The following MUC4 variants were observed in gnomAD, a reference collection of about 807,000 sequenced individuals.
MUC4 encodes the protein mucin 4, cell surface associated, also known as mucin-4.
A neutral mutation model predicts 257.9 loss-of-function variants in MUC4; 202 were observed. That is an observed-to-expected ratio of 0.78 (90% CI 0.70 to 0.88). The LOEUF (loss-of-function observed/expected upper bound fraction) is 0.88. Among genes scored for constraint, MUC4 ranks in the 40% least tolerant of loss-of-function variants. The probability of loss-of-function intolerance (pLI) is 0.00; values close to 1 mark genes in which losing one functional copy is unlikely to be tolerated. For synonymous variants in MUC4, 2,351 were observed against 2,757.1 expected, an observed-to-expected ratio of 0.85 and a Z score of 4.62; for missense variants, 5,976 against 6,513.7, an observed-to-expected ratio of 0.92 and a Z score of 2.84.
chr3:195,799,830 G>A (rs1735072184), intron 1 of MUC4, among the ~76,000 whole-genome samples: 1 of 152,172 alleles, frequency 6.6e-6, no homozygotes, highest in South Asian at 2.1e-4. Context: ...AATACAGACT[G>A]CCAAATTTCT....
At chr3:195,758,039 C>A (rs888894844) in intron 17 of MUC4, among the ~76,000 whole-genome samples, 1 of 152,166 alleles carries the variant, frequency 6.6e-6, no homozygotes, top group Non-Finnish European at 1.5e-5. Context: ...TTCTGAGACA[C>A]AGAGAGAAAG....
Position 195,788,682 on chromosome 3 carries a change from G to A in MUC4, c.2898C>T (p.Phe966=). 2 of 1,599,894 alleles carry A rather than the reference G, an allele frequency of 1.3e-6. No homozygotes were observed. Among genetic ancestry groups the A allele is most frequent in the Non-Finnish European group, 1.7e-6 (2 of 1,178,228 alleles). The change falls in exon 2 of 25, where the codon TTC becomes TTT. Residue 966 remains phenylalanine (F), a synonymous_variant. Coordinates refer to ENST00000463781, the MANE Select transcript of MUC4 (RefSeq NM_018406.7). ...TGGCGTTGCTGATGAGGGCCGTGGT[G>A]AAGGTTTTACCAGACCCTGAAGGTG... ...TLSPSGSGKT[F]TTALISNATP... is the part of the protein sequence containing the mutation.
Position 195,761,553 on chromosome 3 carries a change from TG to T in MUC4, c.14544del (p.Phe4848LeufsTer23). On this transcript the variant is annotated frameshift_variant, in exon 15 of 25. Transcript: ENST00000463781. LOFTEE classifies it high-confidence loss of function. ...GGAATGGTGGAGCCATTGGGCATCC[TG>T]AAGTCGTCCTCTGGATTGTTATTCC... ...GVWNNNPEDD[F>X]RMPNGSTIPP... 1 of 1,614,142 alleles carries T rather than the reference TG, an allele frequency of 6.2e-7. No homozygotes were observed. Among genetic ancestry groups the T allele is most frequent in the Non-Finnish European group, 8.5e-7 (1 of 1,179,982 alleles).
intron 20 of MUC4, among the ~76,000 whole-genome samples, chr3:195,752,736 C>A (rs1310151210): frequency 6.6e-6 from 1 of 152,212 alleles, no homozygotes; most frequent in Non-Finnish European, 1.5e-5. Flanking sequence ...CTGAAGAAAC[C>A]GGGAGAAGTG....
intron 1 of MUC4, among the ~76,000 whole-genome samples, chr3:195,799,891 G>A (rs1198895544): frequency 6.6e-6 from 1 of 152,162 alleles, no homozygotes; most frequent in Non-Finnish European, 1.5e-5. Flanking sequence ...GTGCAAGAGT[G>A]TGCCTGTTTC....
rs1715117357 is a variant in MUC4, at chr3:195,746,798, TTAAA to T, written c.*374_*377del. 7.0e-6 allele frequency: 2 copies of T among 285,600 alleles called. No homozygotes were observed. The highest frequency in any genetic ancestry group is 1.3e-5 in the Non-Finnish European group (2 of 151,864). 17.7% of individuals were successfully genotyped at this position (285,600 alleles called of 1,614,324 possible). On this transcript the variant is annotated 3_prime_UTR_variant, in exon 25 of 25. Coordinates refer to ENST00000463781, the MANE Select transcript of MUC4 (RefSeq NM_018406.7). ...ACACAAAAAGTCAGAGAGACTTTATTTAAATAGAGTTAATTTGAAGTAAACCAGA... is the reference window on the plus strand; with the variant it reads ...ACACAAAAAGTCAGAGAGACTTTATTTAGAGTTAATTTGAAGTAAACCAGA...
rs62282503 is a variant in MUC4, at chr3:195,788,677, G to A, written c.2903C>T (p.Thr968Met). Residue 968 changes from threonine to methionine, a missense_variant, in exon 2 of 25, where the codon ACG becomes ATG. Coordinates refer to ENST00000463781, the MANE Select transcript of MUC4 (RefSeq NM_018406.7). ...SPSGSGKTFT[T>M]ALISNATPLP... The stretch of plus-strand genomic sequence containing the variant: ...AGGGGTGGCGTTGCTGATGAGGGCC[G>A]TGGTGAAGGTTTTACCAGACCCTGA... 4,269 of 1,612,994 alleles carry A rather than the reference G, an allele frequency of 2.6e-3. 21 individuals carry two copies. The highest frequency in any genetic ancestry group is 7.8e-3 in the South Asian group (708 of 90,882).
chr3:195,780,359 GACCT>G lies in MUC4; in HGVS notation c.11217_11220del (p.Gly3740ThrfsTer518). On this transcript the variant is annotated frameshift_variant, in exon 2 of 25. Transcript: ENST00000463781. LOFTEE classifies it high-confidence loss of function. ...CTGGTGACAGGAAGAGGGGTGACGTGACCTGTGGATGCTGAGGAAGGGCTGGTGA... is the reference window on the plus strand; with the variant it reads ...CTGGTGACAGGAAGAGGGGTGACGTGGTGGATGCTGAGGAAGGGCTGGTGA... 1 of 1,410,624 alleles carries G rather than the reference GACCT, an allele frequency of 7.1e-7. No individual in the cohort carries two copies. Among genetic ancestry groups the G allele is most frequent in the Non-Finnish European group, 9.5e-7 (1 of 1,048,484 alleles). 87.4% of individuals were successfully genotyped at this position (1,410,624 alleles called of 1,614,324 possible).
At chr3:195,809,992 T>C (rs1298095045) in intron 1 of MUC4, 3 of 152,016 alleles carry the variant, frequency 2.0e-5, no homozygotes, top group Non-Finnish European at 4.4e-5. Context: ...GCTCTGGGAG[T>C]CATGATTCCC....
At position 195,788,126 on chromosome 3, in the gene MUC4, G is replaced by C; in HGVS notation, c.3454C>G (p.Pro1152Ala). The change falls in exon 2 of 25, where the codon CCT (proline) becomes GCT (alanine). Residue 1152 changes from proline (P) to alanine (A), a missense_variant. This residue lies in a region of MUC4 where 90 missense variants were observed against 106.2 expected (regional missense o/e 0.85). Transcript: ENST00000463781. Reference protein sequence around the residue: ...TSSVSTGHTTPLHVTDASSAS... With the variant: ...TSSVSTGHTTALHVTDASSAS... ...GAGGAAGCATCAGTGACATGAAGAG[G>C]GGTGGTGTGACCTGTGGATACTGAG... is the stretch of plus-strand genomic sequence containing the variant. The C allele has an allele frequency of 6.7e-7, 1 of 1,496,052 alleles. No homozygotes were observed. The highest frequency in any genetic ancestry group is 1.2e-5 in the South Asian group (1 of 81,162). 92.7% of individuals were successfully genotyped at this position (1,496,052 alleles called of 1,614,324 possible).
chr3:195,771,635 G>A lies in MUC4; in HGVS notation c.13242+17C>T, dbSNP rs748352574. ...AGCTGCTGGGGGATCCTGACTGCCA[G>A]GCTTTGAAAGGCTCACCTGATAAAA... On this transcript the variant is annotated intron_variant, in intron 5 of 24. Coordinates refer to ENST00000463781, the MANE Select transcript of MUC4 (RefSeq NM_018406.7). 3 of 1,608,060 alleles carry A rather than the reference G, an allele frequency of 1.9e-6. No homozygotes were observed. Among genetic ancestry groups the A allele is most frequent in the Non-Finnish European group, 2.6e-6 (3 of 1,175,328 alleles).
chr3:195,806,389 C>A (rs942919205), intron 1 of MUC4, among the ~76,000 whole-genome samples: 2 of 152,178 alleles, frequency 1.3e-5, no homozygotes, highest in African/African-American at 4.8e-5. Context: ...TCTGGCCATT[C>A]GAAATGCAGC....
Position 195,780,935 on chromosome 3 carries a change from C to T in MUC4, c.10645G>A (p.Asp3549Asn). The T allele has an allele frequency of 2.0e-6, 3 of 1,500,142 alleles. No individual in the cohort carries two copies. The highest frequency in any genetic ancestry group is 1.2e-5 in the South Asian group (1 of 82,598). 92.9% of individuals were successfully genotyped at this position (1,500,142 alleles called of 1,614,324 possible). A position where few individuals can be genotyped will look rare whatever the true frequency, so the allele number is the denominator to read the frequency against. The change falls in exon 2 of 25, where the codon GAC becomes AAC. Residue 3549 changes from aspartate (D) to asparagine (N), a missense_variant. By Grantham distance (23) the Asp-to-Asn change is conservative. Transcript: ENST00000463781. ...TCGGTGACAGGAAGAGGGGTGGTGTCACCTGTGGATACTGAGGAAAGGCTG... is the reference window on the plus strand; with the variant it reads ...TCGGTGACAGGAAGAGGGGTGGTGTTACCTGTGGATACTGAGGAAAGGCTG... ...VTSLSSVSTGDTTPLPVTDAS... is the reference protein window; with the variant it reads ...VTSLSSVSTGNTTPLPVTDAS...
rs906951716 is a variant in MUC4 at position 195,753,214 on chromosome 3, G to A, written c.15345C>T (p.Phe5115=). The change falls in exon 20 of 25, where the codon TTC becomes TTT. Residue 5115 remains phenylalanine, a synonymous_variant. Coordinates refer to ENST00000463781, the MANE Select transcript of MUC4 (RefSeq NM_018406.7). ...CAGGGCAGGACTGGTTCTGACACAGGAAAGAGCTCCCCAGAGCTGCAGAGT... is the reference window on the plus strand; with the variant it reads ...CAGGGCAGGACTGGTTCTGACACAGAAAAGAGCTCCCCAGAGCTGCAGAGT... ...GRHCAALGSS[F]LCQNQSCPVN... 6 of 1,613,954 alleles carry A rather than the reference G, an allele frequency of 3.7e-6. No individual in the cohort carries two copies. In the South Asian group the frequency reaches 6.6e-5, roughly 18 times the overall value.
At chr3:195,773,313 CTA>C (rs1723549047) in intron 4 of MUC4, among the ~76,000 whole-genome samples, 2 of 146,132 alleles carry the variant, frequency 1.4e-5, no homozygotes, top group Admixed American at 6.8e-5. Flanking sequence ...AAACCTCTCT[CTA>C]TCGCTCAGCA....
In MUC4 at chr3:195,789,274, G is replaced by C. The variant is rs368924433; in HGVS notation, c.2306C>G (p.Ala769Gly). 11 of 1,613,954 alleles carry C rather than the reference G, an allele frequency of 6.8e-6. No homozygotes were observed. The East Asian group carries it at 1.1e-4, about 16-fold the overall frequency. The change falls in exon 2 of 25, where the codon GCC becomes GGC. Residue 769 changes from alanine (A) to glycine (G), a missense_variant. By Grantham distance (60) the Ala-to-Gly change is moderately conservative (BLOSUM62 0). Transcript: ENST00000463781. Reference sequence around the variant, plus strand: ...CTCAGCCTGGTGGGTATGGGTCATGGCTGCTGCTGTGTCAGGTGAGGTGCT... The same window carrying C: ...CTCAGCCTGGTGGGTATGGGTCATGCCTGCTGCTGTGTCAGGTGAGGTGCT... ...SASTSPDTAAAMTHTHQAEST... is the reference protein window; with the variant it reads ...SASTSPDTAAGMTHTHQAEST...
Position 195,783,607 on chromosome 3 carries a change from G to A in MUC4, c.7973C>T (p.Pro2658Leu), listed in dbSNP as rs866323661. Residue 2658 changes from proline (P) to leucine (L), a missense_variant, in exon 2 of 25, where the codon CCT becomes CTT. Around this residue, in one of 44 missense-constraint regions of MUC4, gnomAD observed 75 missense variants for 58.7 expected, o/e 1.28. Transcript: ENST00000463781. ...SASTGQATPLPVTSLSSVSTG... is the reference protein window; with the variant it reads ...SASTGQATPLLVTSLSSVSTG... ...GGATACTGAGGAAAGGCTGGTGACAGGAAGAGGGGTGGCCTGACCTGTGGA... is the reference window on the plus strand; with the variant it reads ...GGATACTGAGGAAAGGCTGGTGACAAGAAGAGGGGTGGCCTGACCTGTGGA... 3.2e-6 allele frequency: 1 copy of A among 312,672 alleles called. No individual in the cohort carries two copies. The highest frequency in any genetic ancestry group is 5.6e-6 in the Non-Finnish European group (1 of 178,228). 19.4% of individuals were successfully genotyped at this position (312,672 alleles called of 1,614,324 possible).
chr3:195,779,755 G>C lies in MUC4; in HGVS notation c.11825C>G (p.Thr3942Ser), dbSNP rs573187517. 1.5e-5 allele frequency: 17 copies of C among 1,110,180 alleles called. 1 individual carries two copies. Among genetic ancestry groups the C allele is most frequent in the Admixed American group, 2.8e-5 (1 of 35,150 alleles). The allele number at this position is 1,110,180 out of a possible 1,614,324, so 68.8% of individuals were successfully genotyped here. Residue 3942 changes from threonine (T) to serine (S), a missense_variant, in exon 2 of 25, where the codon ACT becomes AGT. Coordinates refer to ENST00000463781, the MANE Select transcript of MUC4 (RefSeq NM_018406.7). ...GHATPLPVTSTSSASTGDTTP... is the reference protein window; with the variant it reads ...GHATPLPVTSSSSASTGDTTP... ...GGTGTCACCTGTGGATGCTGAGGAA[G>C]TGCTGGTGACAGGAAGAGGGGTGGC... is the stretch of plus-strand genomic sequence containing the variant.
intron 1 of MUC4, 86 bp downstream of exon 1, chr3:195,811,650 G>T: frequency 4.5e-6 from 5 of 1,115,854 alleles, no homozygotes; most frequent in South Asian, 1.5e-5. Context: ...CTCTCTCTCT[G>T]TCTCCCCGGA....
Sources: gnomAD v4.1 joint callset for allele counts (sites outside exome capture counted in the v4.1 genomes callset) on GRCh38, gnomAD v4.1.1 for gene constraint, gnomAD v4.1.1 regional missense constraint, MANE v1.5 for transcripts, NCBI Gene and HGNC (gene_info 2026-07-23, HGNC 2026-07-21) for gene names.